Variants in HOOK1 observed in about 807,000 individuals in gnomAD.
The protein encoded by HOOK1 is protein Hook homolog 1.
In HOOK1, 60 loss-of-function variants were observed where a neutral mutation model predicts 112.8. That is an observed-to-expected ratio of 0.53 (90% confidence interval 0.43 to 0.66). The LOEUF (loss-of-function observed/expected upper bound fraction) is 0.66. HOOK1 is among the 30% of genes least tolerant of loss of function. The pLI, the probability that HOOK1 is intolerant of heterozygous loss-of-function variation, is 0.00. For missense variants in HOOK1, 770 were observed against 856.0 expected, an observed-to-expected ratio of 0.90 and a Z score of 1.25; for synonymous variants, 294 against 283.8, an observed-to-expected ratio of 1.04 and a Z score of -0.36.
At chr1:59,817,137 T>C (rs1425038322) in intron 1 of HOOK1, among the ~76,000 whole-genome samples, 4 of 152,228 alleles carry the variant, frequency 2.6e-5, no homozygotes, top group Admixed American at 6.5e-5. Context: ...CTCCTTTCTC[T>C]GTATGTATAA....
Position 59,871,033 on chromosome 1 carries a change from T to G in HOOK1, c.1948-9T>G, listed in dbSNP as rs1644047593. The G allele has an allele frequency of 6.3e-7, 1 of 1,577,694 alleles. No individual in the cohort carries two copies. Among genetic ancestry groups the G allele is most frequent in the South Asian group, 1.1e-5 (1 of 89,794 alleles). On this transcript the variant is annotated splice_polypyrimidine_tract_variant and intron_variant, in intron 20 of 21. Coordinates refer to ENST00000371208, the MANE Select transcript of HOOK1 (RefSeq NM_015888.6). ...TGGGATTTTAATTGTTCTCATATCT[T>G]TTTTCCAGAGTGAATGCAAAGTAGC...
chr1:59,834,541 A>G (rs1201734640), intron 5 of HOOK1, among the ~76,000 whole-genome samples: 1 of 152,088 alleles, frequency 6.6e-6, no homozygotes, highest in Non-Finnish European at 1.5e-5. Flanking sequence ...AAAGTTAAAG[A>G]TCTGTATATT....
intron 15 of HOOK1, among the ~76,000 whole-genome samples, chr1:59,861,650 A>G (rs1217230283): frequency 3.3e-5 from 5 of 152,196 alleles, no homozygotes; most frequent in African/African-American, 1.2e-4. Context: ...TAACATACCT[A>G]AAGTTATACA....
chr1:59,844,776 T>C (rs1369844897), intron 9 of HOOK1, among the ~76,000 whole-genome samples: 1 of 151,964 alleles, frequency 6.6e-6, no homozygotes, highest in Non-Finnish European at 1.5e-5. Context: ...GTCTTGTATG[T>C]CTTTTGTTAA....
At chr1:59,848,274 A>G (rs1056944025) in intron 10 of HOOK1, 41 bp from the exon 11 acceptor site, 2 of 1,391,112 alleles carry the variant, frequency 1.4e-6, no homozygotes, top group African/African-American at 1.4e-5. Flanking sequence ...ATGAGTATAT[A>G]CTAGTTTTTG....
intron 19 of HOOK1, 116 bp from the exon 20 acceptor site, chr1:59,868,134 T>G (rs947283288): frequency 2.6e-5 from 16 of 611,394 alleles, no homozygotes; most frequent in Non-Finnish European, 4.4e-5. Context: ...CAGTTAGCTC[T>G]TGGATGACTT....
intron 15 of HOOK1, 56 bp downstream of exon 15, chr1:59,860,384 A>G: frequency 7.1e-7 from 1 of 1,414,438 alleles, no homozygotes. Context: ...GAGCCATAAA[A>G]TCTTGATTCA....
In HOOK1 at chr1:59,840,337, A is replaced by T. The variant is rs756449901; in HGVS notation, c.567A>T (p.Glu189Asp). The change falls in exon 8 of 22, where the codon GAA becomes GAT. Residue 189 changes from glutamate to aspartate, a missense_variant. Physicochemically the swap from Glu to Asp is conservative, Grantham distance 45. This residue lies in a region of HOOK1 where 655 missense variants were observed against 725.9 expected (regional missense o/e 0.90). Coordinates refer to ENST00000371208, the MANE Select transcript of HOOK1 (RefSeq NM_015888.6). Reference sequence around the variant, plus strand: ...AAAGAGCCTTGGAAGAACTTCAGGAAGCACTAGCAGAAAAAGAAGAGCTGA... The same window carrying T: ...AAAGAGCCTTGGAAGAACTTCAGGATGCACTAGCAGAAAAAGAAGAGCTGA... ...QLKRALEELQ[E>D]ALAEKEELRQ... The T allele has an allele frequency of 2.5e-6, 4 of 1,598,518 alleles. No homozygotes were observed. The highest frequency in any genetic ancestry group is 3.4e-6 in the Non-Finnish European group (4 of 1,173,120).
intron 15 of HOOK1, 71 bp from the exon 16 acceptor site, chr1:59,862,713 T>C: frequency 2.4e-6 from 2 of 846,318 alleles, no homozygotes; most frequent in Non-Finnish European, 3.9e-6. Context: ...GCTAACTGAA[T>C]GTACCTTTGT....
intron 7 of HOOK1, among the ~76,000 whole-genome samples, chr1:59,840,034 T>G (rs565811115): frequency 2.6e-4 from 40 of 152,208 alleles, no homozygotes; most frequent in Non-Finnish European, 5.0e-4. Flanking sequence ...ATCCCAGGGA[T>G]GAAACCAACT....
chr1:59,833,500 T>A lies in HOOK1; in HGVS notation c.369T>A (p.Leu123=), dbSNP rs1248390890. ...DPVELGRLLQ[L]ILGCAINCEK... ...TGGAGCTTGGGAGGTTGCTCCAGCT[T>A]ATTTTAGGTTGTGCGATCAACTGTG... The change falls in exon 5 of 22, where the codon CTT becomes CTA. Residue 123 remains leucine (L), a synonymous_variant. Coordinates refer to ENST00000371208, the MANE Select transcript of HOOK1 (RefSeq NM_015888.6). 4.4e-6 allele frequency: 7 copies of A among 1,588,428 alleles called. No homozygotes were observed. The highest frequency in any genetic ancestry group is 5.2e-6 in the Non-Finnish European group (6 of 1,162,978).
intron 1 of HOOK1, chr1:59,815,422 T>C: frequency 1.8e-6 from 1 of 554,956 alleles, no homozygotes; most frequent in South Asian, 2.1e-5. Flanking sequence ...GTGGAGGCTC[T>C]GGTCTCAACC....
At chr1:59,840,018 C>G (rs1574194159) in intron 7 of HOOK1, among the ~76,000 whole-genome samples, 1 of 152,104 alleles carries the variant, frequency 6.6e-6, no homozygotes, top group African/African-American at 2.4e-5. Context: ...GTTGAACCAG[C>G]CTTGCATCCC....
chr1:59,856,005 T>G lies in HOOK1; in HGVS notation c.1243-2423T>G, dbSNP rs1456719524. Among the ~76,000 whole-genome samples, 3 of 132,972 alleles carry G rather than the reference T, an allele frequency of 2.3e-5. No homozygotes were observed. The Admixed American group carries it at 2.3e-4, about 10-fold the overall frequency. 87.2% of individuals were successfully genotyped at this position (132,972 alleles called of 152,430 possible). On this transcript the variant is annotated intron_variant, in intron 12 of 21. Transcript: ENST00000371208. ...ATATATTTTTTTTTTTTTTTTTTTT[T>G]TTTTTGTAGAGACAGGGTTTGCCAT...
At chr1:59,872,437 C>T (rs1644068804) in intron 21 of HOOK1, among the ~76,000 whole-genome samples, 1 of 152,174 alleles carries the variant, frequency 6.6e-6, no homozygotes, top group Admixed American at 6.5e-5. Context: ...CCGGGGACCA[C>T]CCTTCAAGAA....
At chr1:59,820,861 A>G (rs1006640234) in intron 1 of HOOK1, among the ~76,000 whole-genome samples, 2 of 152,156 alleles carry the variant, frequency 1.3e-5, no homozygotes, top group African/African-American at 4.8e-5. Context: ...GAGCTTAGTA[A>G]AGTGTCTCTG....
chr1:59,868,269 C>A lies in HOOK1; in HGVS notation c.1865C>A (p.Pro622His). Reference sequence around the variant, plus strand: ...AAACAGGTAATAAAAACTTTGGATCCCAAGTTAAATCCAGCATCAGCTGAA... The same window carrying A: ...AAACAGGTAATAAAAACTTTGGATCACAAGTTAAATCCAGCATCAGCTGAA... ...KARNVIKTLDPKLNPASAEIM... is the reference protein window; with the variant it reads ...KARNVIKTLDHKLNPASAEIM... The change falls in exon 20 of 22, where the codon CCC becomes CAC. Residue 622 changes from proline (P) to histidine (H), a missense_variant. Around this residue, in one of 3 missense-constraint regions of HOOK1, gnomAD observed 655 missense variants for 725.9 expected, o/e 0.90. Transcript: ENST00000371208. 1 of 1,603,798 alleles carries A rather than the reference C, an allele frequency of 6.2e-7. No individual in the cohort carries two copies. The highest frequency in any genetic ancestry group is 8.5e-7 in the Non-Finnish European group (1 of 1,172,474).
chr1:59,850,739 A>G (rs72923810), intron 12 of HOOK1, among the ~76,000 whole-genome samples: 13,795 of 151,484 alleles, frequency 0.091, 781 homozygotes, highest in African/African-American at 0.17. Context: ...AAAAGAGTAA[A>G]CTGCAATATA....
At chr1:59,835,275 T>C in intron 5 of HOOK1, 70 bp from the exon 6 acceptor site, 1 of 831,262 alleles carries the variant, frequency 1.2e-6, no homozygotes, top group Non-Finnish European at 2.1e-6. Flanking sequence ...TTATAGTCTA[T>C]TAATTTGATG....
Sources: allele counts gnomAD v4.1 joint callset (sites outside exome capture counted in the v4.1 genomes callset), GRCh38; gene constraint gnomAD v4.1.1; regional missense constraint gnomAD v4.1.1; transcripts MANE v1.5; gene names NCBI Gene and HGNC (gene_info 2026-07-23, HGNC 2026-07-21).